GRID2: variants seen among roughly 807,000 people sequenced by gnomAD.
GRID2 encodes the protein glutamate ionotropic receptor delta type subunit 2, also known as glutamate receptor ionotropic, delta-2.
A neutral mutation model predicts 114.8 loss-of-function variants in GRID2; 33 were observed. The observed-to-expected ratio is 0.29, with a 90% confidence interval of 0.22 to 0.38. GRID2 has a LOEUF of 0.38. Ranked by LOEUF, GRID2 falls within the 10% of genes least tolerant of loss-of-function variation. The pLI, the probability that GRID2 is intolerant of heterozygous loss-of-function variation, is 1.00. For synonymous variants in GRID2, 505 were observed against 449.9 expected (o/e 1.12, Z -1.55); for missense variants, 1,184 against 1,257.7 (o/e 0.94, Z 0.89).
intron 4 of GRID2, among the ~76,000 whole-genome samples, chr4:93,184,507 CAAAAAAA>C (rs1170737672): frequency 2.5e-5 from 2 of 79,576 alleles, no homozygotes; most frequent in Non-Finnish European, 5.8e-5. Context: ...TATTATTTCT[CAAAAAAA>C]AAAAAAAAAA....
At chr4:93,294,713 C>A (rs1330743526) in intron 8 of GRID2, among the ~76,000 whole-genome samples, 1 of 152,046 alleles carries the variant, frequency 6.6e-6, no homozygotes, top group Non-Finnish European at 1.5e-5. Context: ...CACGTACCAC[C>A]ATGCCCAGGT....
At chr4:93,614,393 A>G (rs376079295) in intron 13 of GRID2, among the ~76,000 whole-genome samples, 10 of 152,336 alleles carry the variant, frequency 6.6e-5, no homozygotes, top group African/African-American at 1.9e-4. Context: ...CTTCCTGTCA[A>G]TTATGCCAAC....
At chr4:93,250,431 AT>A (rs778017797) in intron 8 of GRID2, among the ~76,000 whole-genome samples, 15 of 151,944 alleles carry the variant, frequency 9.9e-5, no homozygotes, top group Non-Finnish European at 2.1e-4. Flanking sequence ...CCACCGTGGC[AT>A]GTGTATACCT....
intron 2 of GRID2, among the ~76,000 whole-genome samples, chr4:93,008,337 C>G (rs932297445): frequency 2.0e-5 from 3 of 152,092 alleles, no homozygotes; most frequent in Admixed American, 1.3e-4. Context: ...TGTGCAAGAA[C>G]TCTGCTGAAA....
intron 2 of GRID2, among the ~76,000 whole-genome samples, chr4:92,929,910 C>CT (rs1239305163): frequency 1.3e-5 from 2 of 151,254 alleles, no homozygotes; most frequent in East Asian, 3.9e-4. Context: ...AACATACATT[C>CT]TTTTTTACTT....
At chr4:93,189,143 T>C (rs1164373752) in intron 4 of GRID2, among the ~76,000 whole-genome samples, 3 of 152,226 alleles carry the variant, frequency 2.0e-5, no homozygotes, top group Non-Finnish European at 4.4e-5. Flanking sequence ...AGTTATTTGT[T>C]ATAGCAGCAC....
chr4:92,581,347 A>C (rs1426246942), intron 1 of GRID2, among the ~76,000 whole-genome samples: 2 of 151,974 alleles, frequency 1.3e-5, no homozygotes, highest in Non-Finnish European at 2.9e-5. Flanking sequence ...TCCAACATGA[A>C]ATTATTTTAA....
intron 2 of GRID2, among the ~76,000 whole-genome samples, chr4:93,029,188 T>C (rs566650986): frequency 6.6e-6 from 1 of 152,166 alleles, no homozygotes; most frequent in East Asian, 1.9e-4. Context: ...AAGTAAGAAA[T>C]GGCAAATAGA....
At chr4:92,903,944 A>G (rs1281666656) in intron 2 of GRID2, among the ~76,000 whole-genome samples, 1 of 151,906 alleles carries the variant, frequency 6.6e-6, no homozygotes, top group South Asian at 2.1e-4. Context: ...TATGCTTATG[A>G]CCGTTTATCT....
In GRID2 at chr4:92,524,407, C is replaced by CTT. The variant is rs869060153; in HGVS notation, c.89-65702_89-65701dup. ...TCTTTCTGCTCTAGGATTTCCTTGTCTTTTTTTTTTTTTTTTTTTTTTTGT... is the reference window on the plus strand; with the variant it reads ...TCTTTCTGCTCTAGGATTTCCTTGTCTTTTTTTTTTTTTTTTTTTTTTTTTGT... On this transcript the variant is annotated intron_variant, in intron 1 of 15. Transcript: ENST00000282020. Among the ~76,000 whole-genome samples the CTT allele has an allele frequency of 4.6e-3, 491 of 106,508 alleles. 23 individuals are homozygous for CTT. The highest frequency in any genetic ancestry group is 0.017 in the African/African-American group (424 of 25,298). 69.9% of individuals were successfully genotyped at this position (106,508 alleles called of 152,430 possible).
At chr4:93,796,555 G>T (rs1382258939) in intron 1 of GRID2, among the ~76,000 whole-genome samples, 1 of 141,576 alleles carries the variant, frequency 7.1e-6, no homozygotes, top group Non-Finnish European at 1.6e-5. Flanking sequence ...TTGTTTGTTT[G>T]TTTTTTGAGA....
At chr4:93,436,398 C>A (rs539887732) in intron 10 of GRID2, among the ~76,000 whole-genome samples, 1 of 152,194 alleles carries the variant, frequency 6.6e-6, no homozygotes, top group East Asian at 1.9e-4. Context: ...GTATTGTGTT[C>A]AAGAGGAGGC....
intron 6 of GRID2, among the ~76,000 whole-genome samples, chr4:93,223,039 GGCCAGAAGGT>G (rs1745072825): frequency 6.6e-6 from 1 of 152,112 alleles, no homozygotes; most frequent in African/African-American, 2.4e-5. Context: ...GGTTAGGAAA[GGCCAGAAGGT>G]TGTGTATTAT....
intron 9 of GRID2, among the ~76,000 whole-genome samples, chr4:93,402,711 G>A (rs949665929): frequency 2.0e-5 from 3 of 151,828 alleles, no homozygotes; most frequent in Non-Finnish European, 4.4e-5. Flanking sequence ...ACCTACCACC[G>A]AAAACAAAAG....
intron 13 of GRID2, among the ~76,000 whole-genome samples, chr4:93,586,506 T>C (rs1344160528): frequency 1.3e-5 from 2 of 152,168 alleles, no homozygotes; most frequent in Non-Finnish European, 2.9e-5. Context: ...GTGATTGCCA[T>C]TTTTGTGCCT....
At chr4:92,355,563 A>G (rs955930263) in intron 1 of GRID2, among the ~76,000 whole-genome samples, 1 of 151,894 alleles carries the variant, frequency 6.6e-6, no homozygotes, top group South Asian at 2.1e-4. Context: ...ACTTACTCTC[A>G]TACACTATTT....
At chr4:93,559,173 T>A in intron 13 of GRID2, among the ~76,000 whole-genome samples, 1 of 152,108 alleles carries the variant, frequency 6.6e-6, no homozygotes, top group East Asian at 1.9e-4. Flanking sequence ...GACATAGGCA[T>A]GTGCAAAGAC....
Position 92,364,002 on chromosome 4 carries a change from T to G in GRID2, c.88+59258T>G, listed in dbSNP as rs534405535. Among the ~76,000 whole-genome samples the G allele has an allele frequency of 3.9e-5, 6 of 151,980 alleles. No individual in the cohort carries two copies. The South Asian group carries it at 1.2e-3, about 32-fold the overall frequency. ...GCCCAGCTAAGTTTTGTATTTTTAG[T>G]AGAGATGGGGATTTCACCATGTTGC... On this transcript the variant is annotated intron_variant, in intron 1 of 15. Coordinates refer to ENST00000282020, the MANE Select transcript of GRID2 (RefSeq NM_001510.4).
chr4:92,965,450 TAAAAAAAAAAAAAAAAAAAA>T lies in GRID2; in HGVS notation c.245-119525_245-119506del, dbSNP rs869285420. Among the ~76,000 whole-genome samples, 44 of 85,782 alleles carry T rather than the reference TAAAAAAAAAAAAAAAAAAAA, an allele frequency of 5.1e-4. 3 individuals carry two copies. Among genetic ancestry groups the T allele is most frequent in the East Asian group, 4.9e-3 (13 of 2,676 alleles). 56.3% of individuals were successfully genotyped at this position (85,782 alleles called of 152,430 possible). ...AGGGTTGCCATAAACATTCAATTTG[TAAAAAAAAAAAAAAAAAAAA>T]AAAAAAAAAAAAAAAAAAACACACA... On this transcript the variant is annotated intron_variant, in intron 2 of 15. Coordinates refer to ENST00000282020, the MANE Select transcript of GRID2 (RefSeq NM_001510.4).
Sources: allele counts gnomAD v4.1 joint callset (sites outside exome capture counted in the v4.1 genomes callset), GRCh38; gene constraint gnomAD v4.1.1; transcripts MANE v1.5; gene names NCBI Gene and HGNC (gene_info 2026-07-23, HGNC 2026-07-21).